The following CDH11 variants were observed in gnomAD, a reference collection of about 807,000 sequenced individuals.
The protein encoded by CDH11 is cadherin-11.
CDH11 carries 11 observed loss-of-function variants against 67.8 expected under a neutral mutation model. The ratio of observed to expected loss-of-function variants is 0.16; its 90% CI spans 0.10 to 0.27. CDH11 has a LOEUF of 0.27. Ranked by LOEUF, CDH11 falls within the 10% of genes least tolerant of loss-of-function variation. The pLI, the probability that CDH11 is intolerant of heterozygous loss-of-function variation, is 1.00. For synonymous variants in CDH11, 419 were observed against 400.0 expected (o/e 1.05, Z -0.57); for missense variants, 847 against 1,031.2 (o/e 0.82, Z 2.45).
At chr16:65,026,508 C>T (rs12923000) in intron 2 of CDH11, among the ~76,000 whole-genome samples, 41,435 of 152,086 alleles carry the variant, frequency 0.27, 6,740 homozygotes, top group South Asian at 0.5. Flanking sequence ...AGCTCTTCTT[C>T]CACATAGCCA....
At chr16:65,047,895 G>T (rs902854222) in intron 2 of CDH11, among the ~76,000 whole-genome samples, 1 of 151,948 alleles carries the variant, frequency 6.6e-6, no homozygotes, top group Non-Finnish European at 1.5e-5. Context: ...CTGAAGCTCC[G>T]CCTGATTTCC....
Position 64,947,672 on chromosome 16 carries a change from G to A in CDH11, c.2322C>T (p.Asn774=). The change falls in exon 13 of 13, where the codon AAC becomes AAT. Residue 774 remains asparagine (N), a synonymous_variant. Transcript: ENST00000268603. ...CTAGTTTCTTAAAACGAGGTCCCCA[G>A]TTCTGTAGATAATCATAGTCCAAGT... ...DSDLDYDYLQ[N]WGPRFKKLAD... The A allele has an allele frequency of 6.2e-7, 1 of 1,614,112 alleles. No homozygotes were observed. The highest frequency in any genetic ancestry group is 8.5e-7 in the Non-Finnish European group (1 of 1,179,976).
intron 4 of CDH11, among the ~76,000 whole-genome samples, chr16:64,997,023 G>T (rs1164572268): frequency 6.6e-6 from 1 of 151,930 alleles, no homozygotes; most frequent in Non-Finnish European, 1.5e-5. Context: ...CATGGGCCGG[G>T]CACGGTGGCT....
intron 6 of CDH11, among the ~76,000 whole-genome samples, chr16:64,988,754 GA>G (rs1033932031): frequency 3.3e-5 from 5 of 149,778 alleles, no homozygotes; most frequent in Admixed American, 6.6e-5. Flanking sequence ...GAAGAGCCCA[GA>G]AAAAAAAAAT....
intron 9 of CDH11, 64 bp from the exon 10 acceptor site, chr16:64,972,128 A>G: frequency 6.8e-7 from 1 of 1,476,726 alleles, no homozygotes; most frequent in Non-Finnish European, 9.4e-7. Flanking sequence ...GTCCAGGCAT[A>G]TTCTTGGGAA....
At chr16:64,972,868 G>T (rs144057927) in intron 9 of CDH11, 36 bp downstream of exon 9, 1 of 1,607,482 alleles carries the variant, frequency 6.2e-7, no homozygotes, top group African/African-American at 1.3e-5. Context: ...ATAATACTTG[G>T]TAAAGTAGAA....
At chr16:65,046,171 C>G (rs1259952805) in intron 2 of CDH11, among the ~76,000 whole-genome samples, 1 of 152,304 alleles carries the variant, frequency 6.6e-6, no homozygotes, top group South Asian at 2.1e-4. Flanking sequence ...CCTATACCAG[C>G]CTTTGAGATG....
chr16:65,082,116 C>A (rs74026252), intron 1 of CDH11, among the ~76,000 whole-genome samples: 10,369 of 152,212 alleles, frequency 0.068, 629 homozygotes, highest in African/African-American at 0.16. Context: ...AACCACAAAA[C>A]TGCTTGCCCA....
intron 1 of CDH11, among the ~76,000 whole-genome samples, chr16:65,116,031 C>T (rs2075239864): frequency 1.3e-5 from 2 of 152,152 alleles, no homozygotes; most frequent in Admixed American, 6.5e-5. Context: ...ACTTACAGGC[C>T]TTGGACTTAC....
intron 1 of CDH11, among the ~76,000 whole-genome samples, chr16:65,117,290 C>CA (rs1335553799): frequency 1.3e-5 from 2 of 152,110 alleles, no homozygotes; most frequent in Admixed American, 6.6e-5. Context: ...TCACTTAAGA[C>CA]AAAAAACACA....
intron 8 of CDH11, among the ~76,000 whole-genome samples, chr16:64,975,662 G>T (rs1003713151): frequency 5.9e-5 from 9 of 152,126 alleles, no homozygotes; most frequent in African/African-American, 2.2e-4. Flanking sequence ...TGTGAATAGT[G>T]CTGTGATGAA....
Position 64,972,901 on chromosome 16 carries a change from T to TA in CDH11, c.1390+2dup. Reference sequence around the variant, plus strand: ...GAATCAAAACCATGAGGAGAATACTTACGGATTTCTGCTGCAAAGACAGTG... The same window carrying TA: ...GAATCAAAACCATGAGGAGAATACTTAACGGATTTCTGCTGCAAAGACAGTG... On this transcript the variant is annotated splice_region_variant and intron_variant, in intron 9 of 12. Transcript: ENST00000268603. 1.2e-6 allele frequency: 2 copies of TA among 1,613,796 alleles called. No homozygotes were observed. Among genetic ancestry groups the TA allele is most frequent in the East Asian group, 2.2e-5 (1 of 44,854 alleles).
At chr16:65,112,962 C>T (rs891862344) in intron 1 of CDH11, among the ~76,000 whole-genome samples, 2 of 152,116 alleles carry the variant, frequency 1.3e-5, no homozygotes, top group Non-Finnish European at 2.9e-5. Context: ...AGAAATCAGA[C>T]CACAGGTACA....
At chr16:65,068,605 C>T (rs981583162) in intron 1 of CDH11, among the ~76,000 whole-genome samples, 2 of 152,160 alleles carry the variant, frequency 1.3e-5, no homozygotes, top group African/African-American at 2.4e-5. Flanking sequence ...CATTTCTGCA[C>T]ACTCATCGCC....
chr16:65,068,137 G>A (rs2074351147), intron 1 of CDH11, among the ~76,000 whole-genome samples: 1 of 145,846 alleles, frequency 6.9e-6, no homozygotes, highest in South Asian at 2.3e-4. Flanking sequence ...GAGGGGGCAG[G>A]GAGAGAGGGA....
chr16:65,066,339 G>A (rs550838466), intron 1 of CDH11, among the ~76,000 whole-genome samples: 2 of 152,294 alleles, frequency 1.3e-5, no homozygotes, highest in African/African-American at 4.8e-5. Flanking sequence ...CAACCACTGT[G>A]ATTGGTGGAG....
Position 65,021,719 on chromosome 16 carries a change from C to CT in CDH11, c.-172-16679dup, listed in dbSNP as rs568716621. Among the ~76,000 whole-genome samples the CT allele has an allele frequency of 3.5e-3, 531 of 150,452 alleles. 12 individuals carry two copies. Among genetic ancestry groups the CT allele is most frequent in the East Asian group, 1.8e-3 (9 of 5,114 alleles). On this transcript the variant is annotated intron_variant, in intron 2 of 12. Transcript: ENST00000268603. ...GCCAACACCTCTGGCTTTTAAGCTA[C>CT]TTTTTTTTGTTAGTTTGTTTTTCTG...
At chr16:64,987,195 AC>A (rs2072509557) in intron 7 of CDH11, 1 of 152,154 alleles carries the variant, frequency 6.6e-6, no homozygotes, top group South Asian at 2.1e-4. Flanking sequence ...ACGGGGGGAA[AC>A]CTTTTTAGAA....
chr16:64,964,634 C>T (rs1052914269), intron 11 of CDH11, among the ~76,000 whole-genome samples: 36 of 152,098 alleles, frequency 2.4e-4, no homozygotes, highest in Non-Finnish European at 1.2e-4. Flanking sequence ...CTGCAAGCTC[C>T]GCCTCCCGGG....
Sources: allele counts gnomAD v4.1 joint callset (sites outside exome capture counted in the v4.1 genomes callset), GRCh38; gene constraint gnomAD v4.1.1; transcripts MANE v1.5; gene names NCBI Gene and HGNC (gene_info 2026-07-23, HGNC 2026-07-21).